Variants in GPR149 observed in about 807,000 individuals in gnomAD.
The protein encoded by GPR149 is probable G protein-coupled receptor 149.
Under a neutral mutation model 50.2 loss-of-function variants are expected in GPR149, and 50 were observed. The observed-to-expected ratio is 1.00, with a 90% CI of 0.79 to 1.26. GPR149 has a LOEUF of 1.26. GPR149 is among the 50% of genes most tolerant of loss of function. The pLI is 0.00. For synonymous variants in GPR149, 405 were observed against 358.2 expected, an observed-to-expected ratio of 1.13 and a Z score of -1.48; for missense variants, 983 against 895.4, an observed-to-expected ratio of 1.10 and a Z score of -1.25.
intron 3 of GPR149, among the ~76,000 whole-genome samples, chr3:154,346,943 T>G (rs1713943494): frequency 6.6e-6 from 1 of 152,160 alleles, no homozygotes; most frequent in South Asian, 2.1e-4. Flanking sequence ...GAGTAACAGA[T>G]TTTTAGGATT....
chr3:154,399,263 T>C (rs1715364999), intron 3 of GPR149, among the ~76,000 whole-genome samples: 1 of 152,232 alleles, frequency 6.6e-6, no homozygotes, highest in Non-Finnish European at 1.5e-5. Context: ...AGCTTACACC[T>C]GTAATGTGAA....
At chr3:154,376,522 T>A (rs1042531137) in intron 3 of GPR149, among the ~76,000 whole-genome samples, 3 of 152,262 alleles carry the variant, frequency 2.0e-5, no homozygotes. Flanking sequence ...TGTGTACATG[T>A]ATATGTATTC....
intron 3 of GPR149, among the ~76,000 whole-genome samples, chr3:154,402,341 A>G (rs1711566666): frequency 6.6e-6 from 1 of 151,932 alleles, no homozygotes; most frequent in African/African-American, 2.4e-5. Context: ...TTTTGAGTCC[A>G]GGAGTTGGAG....
At chr3:154,378,601 C>A (rs1460482243) in intron 3 of GPR149, among the ~76,000 whole-genome samples, 2 of 152,154 alleles carry the variant, frequency 1.3e-5, no homozygotes, top group Non-Finnish European at 2.9e-5. Context: ...AACAGCTCAA[C>A]TATTTTCCAA....
chr3:154,406,474 A>T (rs1249593637), intron 3 of GPR149, among the ~76,000 whole-genome samples: 1 of 152,200 alleles, frequency 6.6e-6, no homozygotes, highest in East Asian at 1.9e-4. Flanking sequence ...TTAGTTACTC[A>T]TTGCAGTACT....
Position 154,421,193 on chromosome 3 carries a change from T to C in GPR149, c.1469A>G (p.Asp490Gly). The change falls in exon 3 of 4, where the codon GAT becomes GGT. Residue 490 changes from aspartate to glycine, a missense_variant. Physicochemically the swap from Asp to Gly is moderately conservative, Grantham distance 94 (BLOSUM62 -1). Transcript: ENST00000389740. ...EAKQDSNNKK[D>G]AFSDKTGGDI... ...ACCTCCTGTTTTGTCAGAAAACGCA[T>C]CCTTTTTGTTGTTGGAATCCTGTTT... The C allele has an allele frequency of 1.2e-6, 2 of 1,613,546 alleles. No individual in the cohort carries two copies. The highest frequency in any genetic ancestry group is 1.7e-6 in the Non-Finnish European group (2 of 1,179,612).
intron 3 of GPR149, 107 bp downstream of exon 3, chr3:154,420,932 G>A (rs1712122822): frequency 1.3e-6 from 1 of 778,360 alleles, no homozygotes. Flanking sequence ...GGCAAGTGAA[G>A]TTAATGTTGG....
chr3:154,414,615 T>A (rs1711935909), intron 3 of GPR149, among the ~76,000 whole-genome samples: 1 of 152,006 alleles, frequency 6.6e-6, no homozygotes, highest in African/African-American at 2.4e-5. Flanking sequence ...CAGACACCAA[T>A]TTTATGAAGG....
rs374651607 is a variant in GPR149 at position 154,402,028 on chromosome 3, T to C, written c.1623+19011A>G. ...ATCCTCAGCTCCAAACTTGTTTCTG[T>C]ATCCTTTGTAAATGAATCTTAAAGC... On this transcript the variant is annotated intron_variant, in intron 3 of 3. Coordinates refer to ENST00000389740, the MANE Select transcript of GPR149 (RefSeq NM_001038705.3). Among the ~76,000 whole-genome samples, 9 of 152,332 alleles carry C rather than the reference T, an allele frequency of 5.9e-5. No homozygotes were observed. The South Asian group carries it at 1.9e-3, about 32-fold the overall frequency.
chr3:154,393,778 T>C (rs1435770303), intron 3 of GPR149, among the ~76,000 whole-genome samples: 1 of 151,934 alleles, frequency 6.6e-6, no homozygotes, highest in Non-Finnish European at 1.5e-5. Context: ...ATACTAACAA[T>C]GAGCTATTTG....
Position 154,338,170 on chromosome 3 carries a change from T to A in GPR149, c.1725A>T (p.Val575=). 1.2e-6 allele frequency: 2 copies of A among 1,614,152 alleles called. No homozygotes were observed. The highest frequency in any genetic ancestry group is 1.7e-6 in the Non-Finnish European group (2 of 1,179,996). ...GKTLSLSTYE[V]SAEGQKITPA... is the part of the protein sequence containing the mutation. ...GAGTTATTTTTTGCCCTTCTGCGCT[T>A]ACCTCATAGGTAGAAAGAGATAGGG... Residue 575 remains valine, a synonymous_variant, in exon 4 of 4, where the codon GTA becomes GTT. Coordinates refer to ENST00000389740, the MANE Select transcript of GPR149 (RefSeq NM_001038705.3).
intron 3 of GPR149, among the ~76,000 whole-genome samples, chr3:154,404,682 T>C (rs952706198): frequency 5.3e-5 from 8 of 152,214 alleles, no homozygotes; most frequent in African/African-American, 1.9e-4. Flanking sequence ...CTGAAGTTTG[T>C]TCACAGGCTC....
At chr3:154,400,025 T>A (rs893713471) in intron 3 of GPR149, among the ~76,000 whole-genome samples, 9 of 152,176 alleles carry the variant, frequency 5.9e-5, no homozygotes, top group Non-Finnish European at 5.9e-5. Context: ...CTCACTCTGT[T>A]GCCCAGGCTG....
chr3:154,362,256 T>G (rs1714425308), intron 3 of GPR149, among the ~76,000 whole-genome samples: 1 of 121,360 alleles, frequency 8.2e-6, no homozygotes, highest in Non-Finnish European at 1.6e-5. Flanking sequence ...GCCACTGCAC[T>G]CCAGCCTGGG....
intron 2 of GPR149, among the ~76,000 whole-genome samples, chr3:154,427,088 T>C (rs950567078): frequency 6.6e-6 from 1 of 152,180 alleles, no homozygotes. Flanking sequence ...AGTTTTCAAC[T>C]CCTTTCAGAG....
In GPR149 at chr3:154,421,135, T is replaced by C. The variant is rs1478627519; in HGVS notation, c.1527A>G (p.Glu509=). The C allele has an allele frequency of 6.8e-6, 11 of 1,613,344 alleles. No homozygotes were observed. The highest frequency in any genetic ancestry group is 1.3e-5 in the African/African-American group (1 of 75,006). The change falls in exon 3 of 4, where the codon GAA becomes GAG. Residue 509 remains glutamate, a synonymous_variant. Coordinates refer to ENST00000389740, the MANE Select transcript of GPR149 (RefSeq NM_001038705.3). ...CATGAGACAGTCTTCTTTCTGGCCCTTCAGAAAAGGTAGTTTCTTCATAGT... is the reference window on the plus strand; with the variant it reads ...CATGAGACAGTCTTCTTTCTGGCCCCTCAGAAAAGGTAGTTTCTTCATAGT... ...DINYEETTFS[E]GPERRLSHEE... is the part of the protein sequence containing the mutation.
At chr3:154,427,852 C>T in intron 1 of GPR149, 144 bp from the exon 2 acceptor site, 5 of 796,106 alleles carry the variant, frequency 6.3e-6, no homozygotes, top group Middle Eastern at 3.2e-4. Context: ...AGCTGGCTCC[C>T]TGTCCTTGGT....
chr3:154,337,269 G>A lies in GPR149; in HGVS notation c.*430C>T, dbSNP rs570973340. 2.0e-5 allele frequency among the ~76,000 whole-genome samples: 3 copies of A among 152,050 alleles called. No individual in the cohort carries two copies. Among genetic ancestry groups the A allele is most frequent in the Non-Finnish European group, 4.4e-5 (3 of 67,984 alleles). ...GGCAAGTTCCTTCAAATATAATTTG[G>A]GGTTTTGTTACATTTCTTCCATTCC... On this transcript the variant is annotated 3_prime_UTR_variant, in exon 4 of 4. Coordinates refer to ENST00000389740, the MANE Select transcript of GPR149 (RefSeq NM_001038705.3).
chr3:154,365,492 T>C (rs1488984474), intron 3 of GPR149, among the ~76,000 whole-genome samples: 1 of 152,204 alleles, frequency 6.6e-6, no homozygotes, highest in African/African-American at 2.4e-5. Context: ...TAACCATACT[T>C]TTGTTCTTTA....
Sources: gnomAD v4.1 joint callset for allele counts (sites outside exome capture counted in the v4.1 genomes callset) on GRCh38, gnomAD v4.1.1 for gene constraint, MANE v1.5 for transcripts, NCBI Gene and HGNC (gene_info 2026-07-23, HGNC 2026-07-21) for gene names.